SMG1: variants seen among roughly 807,000 people sequenced by gnomAD.
The protein encoded by SMG1 is SMG1 nonsense mediated mRNA decay associated PI3K related kinase.
In SMG1, 22 loss-of-function variants were observed where a neutral mutation model predicts 419.9. The ratio of observed to expected loss-of-function variants is 0.05; its 90% CI spans 0.04 to 0.07. The LOEUF (loss-of-function observed/expected upper bound fraction) is 0.07. Ranked by LOEUF, SMG1 falls within the 10% of genes least tolerant of loss-of-function variation. The pLI is 1.00. For synonymous variants in SMG1, 1,538 were observed against 1,553.5 expected (o/e 0.99, Z 0.23); for missense variants, 3,185 against 4,342.0 (o/e 0.73, Z 7.49).
intron 51 of SMG1, among the ~76,000 whole-genome samples, chr16:18,832,096 G>T (rs941843977): frequency 6.6e-6 from 1 of 152,114 alleles, no homozygotes. Context: ...GGTGGCAGGG[G>T]GTTCATTAGA....
chr16:18,817,136 G>A, intron 57 of SMG1, among the ~76,000 whole-genome samples, 155 bp downstream of exon 57: 1 of 138,558 alleles, frequency 7.2e-6, no homozygotes, highest in Non-Finnish European at 1.5e-5. Flanking sequence ...GGGGCGCTAA[G>A]AAAATAATTT....
intron 10 of SMG1, among the ~76,000 whole-genome samples, 187 bp downstream of exon 10, chr16:18,881,978 A>C (rs541834300): frequency 1.3e-5 from 2 of 152,108 alleles, no homozygotes; most frequent in Non-Finnish European, 2.9e-5. Flanking sequence ...GGAGGATGAG[A>C]TGTAACAGGA....
rs770976425 is a variant in SMG1, at chr16:18,876,210, A to G, written c.1804T>C (p.Phe602Leu). 8.7e-6 allele frequency: 14 copies of G among 1,611,702 alleles called. No homozygotes were observed. The highest frequency in any genetic ancestry group is 1.1e-5 in the Non-Finnish European group (13 of 1,179,702). The part of the protein sequence containing the change: ...IKHEAFKNHV[F>L]NVDNAKFVVI... ...ACAAATTTTGCATTGTCTACATTGA[A>G]CACATGATTCTTAAAAGCCTCATGT... The change falls in exon 13 of 63, where the codon TTC becomes CTC. Residue 602 changes from phenylalanine to leucine, a missense_variant. Physicochemically the swap from Phe to Leu is conservative, Grantham distance 22. This residue lies in a region of SMG1 where 297 missense variants were observed against 491.0 expected (regional missense o/e 0.60). Coordinates refer to ENST00000446231, the MANE Select transcript of SMG1 (RefSeq NM_015092.5).
At chr16:18,904,235 C>T (rs973961288) in intron 1 of SMG1, among the ~76,000 whole-genome samples, 3 of 151,408 alleles carry the variant, frequency 2.0e-5, no homozygotes, top group African/African-American at 7.3e-5. Context: ...CCGTGCCCGG[C>T]CTGTTTCTTT....
At chr16:18,815,740 G>T in intron 58 of SMG1, 89 bp from the exon 59 acceptor site, 1 of 1,100,694 alleles carries the variant, frequency 9.1e-7, no homozygotes. Flanking sequence ...AGTAACAAAT[G>T]TTTCAAATAT....
intron 61 of SMG1, 23 bp from the exon 62 acceptor site, chr16:18,811,890 G>A (rs368691172): frequency 5.6e-6 from 9 of 1,613,204 alleles, no homozygotes; most frequent in East Asian, 4.5e-5. Flanking sequence ...AAAAACATAC[G>A]TAAGTCAAAC....
chr16:18,833,638 T>C (rs1378819097), intron 50 of SMG1, among the ~76,000 whole-genome samples: 1 of 152,190 alleles, frequency 6.6e-6, no homozygotes. Context: ...TAATTTGTTA[T>C]ACTTTGGTAC....
chr16:18,901,652 T>A (rs2037350847), intron 1 of SMG1, among the ~76,000 whole-genome samples: 3 of 152,044 alleles, frequency 2.0e-5, no homozygotes, highest in Non-Finnish European at 4.4e-5. Flanking sequence ...TGGAAGGTAA[T>A]CTCTAAACTC....
chr16:18,911,996 G>A (rs1209871251), intron 1 of SMG1, among the ~76,000 whole-genome samples: 1 of 150,688 alleles, frequency 6.6e-6, no homozygotes, highest in Non-Finnish European at 1.5e-5. Context: ...CAGGAGAATC[G>A]CTTGAACCCG....
chr16:18,873,868 A>G (rs1409246334), intron 13 of SMG1, among the ~76,000 whole-genome samples: 1 of 151,964 alleles, frequency 6.6e-6, no homozygotes, highest in Admixed American at 6.6e-5. Context: ...CCCCATCCCC[A>G]CCCACTTTCT....
intron 13 of SMG1, among the ~76,000 whole-genome samples, chr16:18,872,932 T>C (rs11647339): frequency 0.31 from 46,829 of 151,784 alleles, 7,961 homozygotes; most frequent in Non-Finnish European, 0.38. Context: ...GGTGGGCAGA[T>C]CACTTGAGCC....
intron 22 of SMG1, 131 bp downstream of exon 22, chr16:18,868,059 C>G (rs1302891369): frequency 1.3e-6 from 1 of 789,900 alleles, no homozygotes; most frequent in Non-Finnish European, 2.0e-6. Context: ...TTACAAAATA[C>G]AGGATCAAAA....
At chr16:18,820,857 C>T (rs2032465798) in intron 55 of SMG1, among the ~76,000 whole-genome samples, 1 of 152,138 alleles carries the variant, frequency 6.6e-6, no homozygotes, top group Non-Finnish European at 1.5e-5. Context: ...ATGTCAGTTA[C>T]TACTGAGTAC....
intron 39 of SMG1, among the ~76,000 whole-genome samples, chr16:18,843,682 C>T (rs1346531498): frequency 6.6e-6 from 1 of 152,098 alleles, no homozygotes; most frequent in African/African-American, 2.4e-5. Flanking sequence ...TCCAATATGG[C>T]AGTAAAAAGA....
Position 18,869,242 on chromosome 16 carries a change from A to G in SMG1, c.2695T>C (p.Ser899Pro). ...SCQRLDKRDQ[S>P]TIPRNLLKTD... ...TTCAGGAGATTGCGTGGAATTGTTG[A>G]CTGGTCACGCTTATCCAGTCTCTGG... Residue 899 changes from serine (S) to proline (P), a missense_variant, in exon 20 of 63, where the codon TCA (serine) becomes CCA (proline). Physicochemically the swap from Ser to Pro is moderately conservative, Grantham distance 74 (BLOSUM62 -1). This residue lies in a region of SMG1 where 48 missense variants were observed against 48.8 expected (regional missense o/e 0.98). Coordinates refer to ENST00000446231, the MANE Select transcript of SMG1 (RefSeq NM_015092.5). The G allele has an allele frequency of 6.2e-7, 1 of 1,611,678 alleles. No individual in the cohort carries two copies. Among genetic ancestry groups the G allele is most frequent in the South Asian group, 1.1e-5 (1 of 90,986 alleles).
chr16:18,834,909 G>A lies in SMG1; in HGVS notation c.8313C>T (p.Ala2771=). 2 of 1,613,908 alleles carry A rather than the reference G, an allele frequency of 1.2e-6. No individual in the cohort carries two copies. The highest frequency in any genetic ancestry group is 1.7e-6 in the Non-Finnish European group (2 of 1,179,842). The change falls in exon 49 of 63, where the codon GCC becomes GCT. Residue 2771 remains alanine, a synonymous_variant. Coordinates refer to ENST00000446231, the MANE Select transcript of SMG1 (RefSeq NM_015092.5). ...SLSLASVIIS[A]LCTLTRRNLM... is the part of the protein sequence containing the mutation. ...TAACTTACCTTGTAAGGGTACAAAG[G>A]GCAGAAATAATAACACTTGCTAGAC... is the stretch of plus-strand genomic sequence containing the variant.
chr16:18,918,419 G>A (rs190018789), intron 1 of SMG1, among the ~76,000 whole-genome samples: 2 of 152,114 alleles, frequency 1.3e-5, no homozygotes, highest in Non-Finnish European at 2.9e-5. Context: ...ATTTGCACCT[G>A]GTCTTATCCT....
At chr16:18,833,221 A>C (rs2033328728) in intron 50 of SMG1, 55 bp from the exon 51 acceptor site, 1 of 1,390,554 alleles carries the variant, frequency 7.2e-7, no homozygotes, top group Non-Finnish European at 9.9e-7. Context: ...GCTAAGTTAC[A>C]CATTTGGAGA....
chr16:18,878,299 CAAA>C (rs71141083), intron 11 of SMG1: 2 of 112,202 alleles, frequency 1.8e-5, no homozygotes, highest in Non-Finnish European at 3.9e-5. Flanking sequence ...TCCGTCTCAA[CAAA>C]AAAAAAAAAA....
Sources: gnomAD v4.1 joint callset for allele counts (sites outside exome capture counted in the v4.1 genomes callset) on GRCh38, gnomAD v4.1.1 for gene constraint, gnomAD v4.1.1 regional missense constraint, MANE v1.5 for transcripts, NCBI Gene and HGNC (gene_info 2026-07-23, HGNC 2026-07-21) for gene names.